KIDINS220: variants seen among roughly 807,000 people sequenced by gnomAD.
KIDINS220 encodes the protein kinase D interacting substrate 220, also known as kinase D-interacting substrate of 220 kDa.
KIDINS220 carries 63 observed loss-of-function variants against 157.6 expected under a neutral mutation model. The observed-to-expected ratio is 0.40, with a 90% confidence interval of 0.33 to 0.49. The LOEUF is 0.49. Ranked by LOEUF, KIDINS220 falls within the 20% of genes least tolerant of loss-of-function variation. The pLI, the probability that KIDINS220 is intolerant of heterozygous loss-of-function variation, is 0.66. For missense variants in KIDINS220, 1,772 were observed against 2,171.2 expected (o/e 0.82, Z 3.65); for synonymous variants, 732 against 783.6 (o/e 0.93, Z 1.10).
At chr2:8,811,843 C>T (rs572223931) in intron 6 of KIDINS220, among the ~76,000 whole-genome samples, 3 of 152,042 alleles carry the variant, frequency 2.0e-5, no homozygotes, top group Admixed American at 6.5e-5. Context: ...GGCAGAGCCT[C>T]AGAGATGATG....
At chr2:8,728,462 T>C (rs997344071), downstream of KIDINS220, among the ~76,000 whole-genome samples, 4 of 152,362 alleles carry the variant, frequency 2.6e-5, no homozygotes, top group East Asian at 3.9e-4. Flanking sequence ...GAGTTTTGCA[T>C]GTGTGAGAAT....
In KIDINS220 at chr2:8,785,738, T is replaced by C; in HGVS notation, c.2229+3A>G. ...TTTTTTCTAATAACCAATGAGTGCTTACTTTCATGAATCCTTCACTTTTCA... is the reference window on the plus strand; with the variant it reads ...TTTTTTCTAATAACCAATGAGTGCTCACTTTCATGAATCCTTCACTTTTCA... On this transcript the variant is annotated splice_donor_region_variant and intron_variant, in intron 17 of 29. Coordinates refer to ENST00000256707, the MANE Select transcript of KIDINS220 (RefSeq NM_020738.4). The C allele has an allele frequency of 1.2e-6, 2 of 1,603,464 alleles. No homozygotes were observed. Among genetic ancestry groups the C allele is most frequent in the Non-Finnish European group, 1.7e-6 (2 of 1,176,524 alleles).
intron 21 of KIDINS220, among the ~76,000 whole-genome samples, chr2:8,774,824 T>C (rs1215682345): frequency 2.0e-5 from 3 of 152,182 alleles, no homozygotes. Context: ...TGAGGACACA[T>C]TACAGAGTTC....
Position 8,796,794 on chromosome 2 carries a change from C to T in KIDINS220, c.1075G>A (p.Ala359Thr). The T allele has an allele frequency of 6.2e-7, 1 of 1,614,080 alleles. No homozygotes were observed. Among genetic ancestry groups the T allele is most frequent in the Non-Finnish European group, 8.5e-7 (1 of 1,179,920 alleles). Residue 359 changes from alanine to threonine, a missense_variant, in exon 11 of 30, where the codon GCT (alanine) becomes ACT (threonine). This residue lies in a region of KIDINS220 where 725 missense variants were observed against 1,017.1 expected (regional missense o/e 0.71). Coordinates refer to ENST00000256707, the MANE Select transcript of KIDINS220 (RefSeq NM_020738.4). ...EVVELLLDKG[A>T]KVSAVDKKGD... ...ACCTTATCTACAGCAGACACTTTAG[C>T]ACCTTTATCTAGCAGCAGCTCCACC...
chr2:8,757,442 GCACACTTGATTGTTT>G (rs1668149669), intron 22 of KIDINS220: 3 of 1,306,966 alleles, frequency 2.3e-6, no homozygotes, highest in Non-Finnish European at 2.9e-6. Flanking sequence ...GTCATGAGAA[GCACACTTGATTGTTT>G]CCAAAGGGAT....
At chr2:8,742,178 C>T (rs778107694) in intron 26 of KIDINS220, among the ~76,000 whole-genome samples, 3 of 151,900 alleles carry the variant, frequency 2.0e-5, no homozygotes, top group Admixed American at 6.6e-5. Flanking sequence ...GGGTGCAGTG[C>T]TGTGATCTTG....
intron 1 of KIDINS220, among the ~76,000 whole-genome samples, chr2:8,828,176 G>C (rs893849142): frequency 2.6e-5 from 4 of 152,178 alleles, no homozygotes; most frequent in African/African-American, 7.2e-5. Context: ...CACCCTCCTG[G>C]CTGCATGGCC....
intron 22 of KIDINS220, among the ~76,000 whole-genome samples, chr2:8,753,387 G>A (rs1667614381): frequency 6.6e-6 from 1 of 152,210 alleles, no homozygotes; most frequent in African/African-American, 2.4e-5. Flanking sequence ...TGTGAAGTTA[G>A]GAATGTGAGG....
At chr2:8,787,497 C>A (rs1345194874) in intron 15 of KIDINS220, among the ~76,000 whole-genome samples, 1 of 151,594 alleles carries the variant, frequency 6.6e-6, no homozygotes, top group Non-Finnish European at 1.5e-5. Context: ...GCCTCCCAAG[C>A]AGCTAGAACT....
intron 6 of KIDINS220, among the ~76,000 whole-genome samples, chr2:8,808,124 A>G (rs966009376): frequency 1.3e-5 from 2 of 151,948 alleles, no homozygotes; most frequent in African/African-American, 4.8e-5. Context: ...ACTCTGTCTC[A>G]AAAAGAAAAA....
At chr2:8,771,230 G>T (rs935268798) in intron 21 of KIDINS220, among the ~76,000 whole-genome samples, 1 of 152,184 alleles carries the variant, frequency 6.6e-6, no homozygotes, top group African/African-American at 2.4e-5. Flanking sequence ...CCTATTGATG[G>T]ACTATAAACA....
At position 8,733,621 on chromosome 2, in the gene KIDINS220, A is replaced by T. The variant is rs1473292369; in HGVS notation, c.3876T>A (p.Ser1292Arg). The T allele has an allele frequency of 1.2e-6, 2 of 1,610,982 alleles. No individual in the cohort carries two copies. The highest frequency in any genetic ancestry group is 1.7e-6 in the Non-Finnish European group (2 of 1,177,736). Residue 1292 changes from serine to arginine, a missense_variant, in exon 29 of 30, where the codon AGT (serine) becomes AGA (arginine). Physicochemically the swap from Ser to Arg is moderately radical, Grantham distance 110. This residue lies in a region of KIDINS220 where 793 missense variants were observed against 885.5 expected (regional missense o/e 0.90). Coordinates refer to ENST00000256707, the MANE Select transcript of KIDINS220 (RefSeq NM_020738.4). Reference sequence around the variant, plus strand: ...GCGGGGCTGGGCCACTGCTGCTCTCACTGAGGAAACGTGGGTCTTCAGGGA... The same window carrying T: ...GCGGGGCTGGGCCACTGCTGCTCTCTCTGAGGAAACGTGGGTCTTCAGGGA... ...HVVPEDPRFL[S>R]ESSSGPAPHG...
chr2:8,789,761 C>T (rs1672928470), intron 14 of KIDINS220, 119 bp downstream of exon 14: 1 of 802,070 alleles, frequency 1.2e-6, no homozygotes, highest in Admixed American at 3.4e-5. Context: ...TCAATTTTCT[C>T]ACCCAATTAT....
intron 22 of KIDINS220, among the ~76,000 whole-genome samples, chr2:8,760,795 T>C (rs1668647002): frequency 6.6e-6 from 1 of 152,228 alleles, no homozygotes. Flanking sequence ...TTCTGCTTCA[T>C]TTATTGGACT....
At chr2:8,744,143 TTAATA>T (rs1666018994) in intron 26 of KIDINS220, among the ~76,000 whole-genome samples, 1 of 145,306 alleles carries the variant, frequency 6.9e-6, no homozygotes, top group South Asian at 2.1e-4. Context: ...ATGTTATATA[TTAATA>T]TAATTATTTT....
In KIDINS220 at chr2:8,771,565, A is replaced by AT. The variant is rs1376346240; in HGVS notation, c.2849-734dup. On this transcript the variant is annotated intron_variant, in intron 21 of 29. Coordinates refer to ENST00000256707, the MANE Select transcript of KIDINS220 (RefSeq NM_020738.4). Reference sequence around the variant, plus strand: ...TCTGAGCTGCTGATACTGTTGTTAAATTTTCAAACATTGTCAATTTTACTT... The same window carrying AT: ...TCTGAGCTGCTGATACTGTTGTTAAATTTTTCAAACATTGTCAATTTTACTT... Among the ~76,000 whole-genome samples the AT allele has an allele frequency of 2.6e-5, 4 of 152,140 alleles. No individual in the cohort carries two copies. In the East Asian group the frequency reaches 7.7e-4, roughly 29 times the overall value.
intron 10 of KIDINS220, among the ~76,000 whole-genome samples, chr2:8,797,384 A>C (rs1674116965): frequency 6.6e-6 from 1 of 152,224 alleles, no homozygotes; most frequent in Non-Finnish European, 1.5e-5. Flanking sequence ...ACAAGAAGAG[A>C]CCACAATTCA....
intron 21 of KIDINS220, 33 bp downstream of exon 21, chr2:8,776,715 T>C: frequency 1.3e-6 from 2 of 1,582,688 alleles, no homozygotes; most frequent in Non-Finnish European, 1.7e-6. Context: ...TAAAGCTTAT[T>C]AACTATCATA....
chr2:8,769,521 T>TC (rs1669906039), intron 22 of KIDINS220, among the ~76,000 whole-genome samples: 2 of 152,326 alleles, frequency 1.3e-5, no homozygotes, highest in African/African-American at 4.8e-5. Context: ...GTCAAGGGAT[T>TC]ACCTGTTTAC....
Sources: allele counts gnomAD v4.1 joint callset (sites outside exome capture counted in the v4.1 genomes callset), GRCh38; gene constraint gnomAD v4.1.1; regional missense constraint gnomAD v4.1.1; transcripts MANE v1.5; gene names NCBI Gene and HGNC (gene_info 2026-07-23, HGNC 2026-07-21).